The following OSBPL1A variants were observed in gnomAD, a reference collection of about 807,000 sequenced individuals.
OSBPL1A encodes the protein oxysterol binding protein like 1A, also known as oxysterol-binding protein-related protein 1.
Under a neutral mutation model 137.1 loss-of-function variants are expected in OSBPL1A, and 80 were observed. The observed-to-expected ratio is 0.58, with a 90% CI of 0.49 to 0.70. OSBPL1A has a LOEUF of 0.70. Ranked by LOEUF, OSBPL1A falls within the 30% of genes least tolerant of loss-of-function variation. The pLI is 0.00. For missense variants in OSBPL1A, 970 were observed against 1,129.4 expected, an observed-to-expected ratio of 0.86 and a Z score of 2.02; for synonymous variants, 365 against 389.7, an observed-to-expected ratio of 0.94 and a Z score of 0.75.
intron 1 of OSBPL1A, among the ~76,000 whole-genome samples, chr18:24,395,640 G>A (rs72886800): frequency 0.24 from 36,556 of 150,756 alleles, 4,609 homozygotes; most frequent in East Asian, 0.42. Context: ...TTTTTTGTGA[G>A]ACGGAGTTTC....
intron 4 of OSBPL1A, among the ~76,000 whole-genome samples, chr18:24,355,634 C>T (rs566512661): frequency 1.3e-4 from 20 of 152,222 alleles, no homozygotes; most frequent in Non-Finnish European, 2.5e-4. Context: ...TCAATCTGCA[C>T]CATCAAAAGA....
chr18:24,220,086 C>T (rs1392964316), intron 17 of OSBPL1A, among the ~76,000 whole-genome samples: 2 of 152,148 alleles, frequency 1.3e-5, no homozygotes, highest in Admixed American at 6.5e-5. Flanking sequence ...GCTTTTAGTC[C>T]TCTGCTTCAG....
At chr18:24,190,687 G>A (rs371676421) in intron 18 of OSBPL1A, among the ~76,000 whole-genome samples, 8 of 152,298 alleles carry the variant, frequency 5.3e-5, no homozygotes, top group South Asian at 2.1e-4. Flanking sequence ...ATCCTCTGTC[G>A]CTCTAGTTGG....
At chr18:24,172,346 G>C in intron 22 of OSBPL1A, 30 bp downstream of exon 22, 13 of 1,504,672 alleles carry the variant, frequency 8.6e-6, no homozygotes, top group Non-Finnish European at 1.1e-5. Flanking sequence ...GAAAACTGAA[G>C]GAATGGACGA....
chr18:24,337,550 GAC>G (rs2091197089), intron 5 of OSBPL1A, among the ~76,000 whole-genome samples: 4 of 140,404 alleles, frequency 2.8e-5, no homozygotes, highest in African/African-American at 1.1e-4. Flanking sequence ...CAGCCTGGGT[GAC>G]AGAGTGAAAC....
intron 13 of OSBPL1A, among the ~76,000 whole-genome samples, chr18:24,309,015 C>T (rs962876707): frequency 5.3e-5 from 8 of 152,136 alleles, no homozygotes; most frequent in Non-Finnish European, 1.2e-4. Flanking sequence ...AAGTGATCCA[C>T]CCACCTCAGC....
At chr18:24,170,651 A>G (rs754538375) in intron 23 of OSBPL1A, 198 bp from the exon 24 acceptor site, 29 of 565,060 alleles carry the variant, frequency 5.1e-5, no homozygotes, top group Non-Finnish European at 8.5e-5. Context: ...ATATTACTAT[A>G]AAGGTGTGTA....
chr18:24,185,972 G>C (rs2086736707), intron 18 of OSBPL1A, among the ~76,000 whole-genome samples: 1 of 152,098 alleles, frequency 6.6e-6, no homozygotes. Flanking sequence ...GGAGGCCGAG[G>C]CAGAAGGCTT....
intron 4 of OSBPL1A, among the ~76,000 whole-genome samples, chr18:24,355,007 C>T (rs548083373): frequency 4.7e-4 from 71 of 152,234 alleles, no homozygotes; most frequent in African/African-American, 1.5e-3. Context: ...TTCCCCACAC[C>T]ACCCCTTGCT....
Position 24,181,169 on chromosome 18 carries a change from G to C in OSBPL1A, c.1788C>G (p.Leu596=). 1.2e-6 allele frequency: 2 copies of C among 1,614,094 alleles called. No homozygotes were observed. Among genetic ancestry groups the C allele is most frequent in the South Asian group, 2.2e-5 (2 of 91,048 alleles). The part of the protein sequence containing the change: ...HTYLIHKASS[L]SDPVERMQCV... ...CCTGCATCCTTTCCACAGGATCAGA[G>C]AGTGAACTGGCCTTGTGGATGAGGT... The change falls in exon 19 of 28, where the codon CTC becomes CTG. Residue 596 remains leucine (L), a synonymous_variant. Transcript: ENST00000319481.
intron 5 of OSBPL1A, among the ~76,000 whole-genome samples, chr18:24,337,889 T>C (rs910137845): frequency 6.6e-6 from 1 of 151,922 alleles, no homozygotes. Flanking sequence ...GAAGTATCAC[T>C]ATGTTTGCAA....
intron 7 of OSBPL1A, among the ~76,000 whole-genome samples, chr18:24,327,972 T>C (rs921734993): frequency 7.9e-5 from 12 of 150,998 alleles, no homozygotes; most frequent in African/African-American, 9.7e-5. Context: ...AAAATCATTA[T>C]AAAATACCAC....
chr18:24,212,514 A>G (rs1465668514), intron 17 of OSBPL1A, among the ~76,000 whole-genome samples: 1 of 152,206 alleles, frequency 6.6e-6, no homozygotes, highest in Non-Finnish European at 1.5e-5. Flanking sequence ...CTGACTGCCT[A>G]AAAGTTCGAT....
chr18:24,304,693 C>CTA (rs1387735370), intron 13 of OSBPL1A, among the ~76,000 whole-genome samples: 1 of 152,152 alleles, frequency 6.6e-6, no homozygotes, highest in African/African-American at 2.4e-5. Flanking sequence ...ATCAAACTTA[C>CTA]TATAGATCAG....
chr18:24,300,223 A>G (rs1477790313), intron 14 of OSBPL1A, among the ~76,000 whole-genome samples: 2 of 152,242 alleles, frequency 1.3e-5, no homozygotes, highest in African/African-American at 4.8e-5. Flanking sequence ...AATAAAAGGT[A>G]TATTTCAATA....
intron 17 of OSBPL1A, among the ~76,000 whole-genome samples, chr18:24,204,668 GT>G (rs1217624396): frequency 6.6e-6 from 1 of 151,610 alleles, no homozygotes; most frequent in African/African-American, 2.4e-5. Context: ...TCTTTAAGGG[GT>G]ATGTCCTTGT....
At chr18:24,176,486 T>TTG (rs535578638) in intron 21 of OSBPL1A, among the ~76,000 whole-genome samples, 3,073 of 151,156 alleles carry the variant, frequency 0.02, 66 homozygotes, top group Admixed American at 0.064. Context: ...TTTTTTTTTT[T>TTG]GGCTAAAATG....
chr18:24,238,497 A>G (rs186085187), intron 16 of OSBPL1A, among the ~76,000 whole-genome samples: 6 of 152,296 alleles, frequency 3.9e-5, no homozygotes, highest in Admixed American at 2.0e-4. Context: ...TTTAGCACTG[A>G]GTATCACCAG....
chr18:24,274,595 C>A lies in OSBPL1A; in HGVS notation c.1281+6247G>T, dbSNP rs1031063138. ...GTAATACTAATATTTAATACATAGGCAGATGAAAAAATGCTTTAGAAGGTG... is the reference window on the plus strand; with the variant it reads ...GTAATACTAATATTTAATACATAGGAAGATGAAAAAATGCTTTAGAAGGTG... On this transcript the variant is annotated intron_variant, in intron 15 of 27. Coordinates refer to ENST00000319481, the MANE Select transcript of OSBPL1A (RefSeq NM_080597.4). Among the ~76,000 whole-genome samples, 16 of 151,934 alleles carry A rather than the reference C, an allele frequency of 1.1e-4. No homozygotes were observed. The East Asian group carries it at 2.7e-3, about 26-fold the overall frequency.
Sources: gnomAD v4.1 joint callset for allele counts (sites outside exome capture counted in the v4.1 genomes callset) on GRCh38, gnomAD v4.1.1 for gene constraint, MANE v1.5 for transcripts, NCBI Gene and HGNC (gene_info 2026-07-23, HGNC 2026-07-21) for gene names.